The following PIWIL2 variants were observed in gnomAD, a reference collection of about 807,000 sequenced individuals.
PIWIL2 encodes the protein piwi like RNA-mediated gene silencing 2.
Under a neutral mutation model 116.5 loss-of-function variants are expected in PIWIL2, and 81 were observed. That is an observed-to-expected ratio of 0.70 (90% CI 0.58 to 0.84). The LOEUF (loss-of-function observed/expected upper bound fraction) is 0.84, where lower values mean the gene tolerates loss of function less well. PIWIL2 is among the 40% of genes least tolerant of loss of function. PIWIL2 has a pLI of 0.00. For synonymous variants in PIWIL2, 489 were observed against 429.5 expected, an observed-to-expected ratio of 1.14 and a Z score of -1.71; for missense variants, 1,272 against 1,212.3, an observed-to-expected ratio of 1.05 and a Z score of -0.73.
rs545727348 is a variant in PIWIL2, at chr8:22,348,194, G to A, written c.2404-4765G>A. ...CGGGTGTCTGTAATCCCAGCTACTC[G>A]GGGGCCGAGGCAGGAGAATCGCTTG... is the stretch of plus-strand genomic sequence containing the variant. On this transcript the variant is annotated intron_variant, in intron 20 of 22. Transcript: ENST00000356766. 2.6e-5 allele frequency among the ~76,000 whole-genome samples: 4 copies of A among 151,840 alleles called. No individual in the cohort carries two copies. The South Asian group carries it at 8.3e-4, about 32-fold the overall frequency.
intron 20 of PIWIL2, among the ~76,000 whole-genome samples, chr8:22,327,707 CT>C (rs1831759839): frequency 6.6e-6 from 1 of 152,062 alleles, no homozygotes. Context: ...GTGGTTTTGA[CT>C]TGCGTTTCTT....
At chr8:22,350,638 G>A (rs1463866730) in intron 20 of PIWIL2, among the ~76,000 whole-genome samples, 5 of 152,074 alleles carry the variant, frequency 3.3e-5, no homozygotes, top group Non-Finnish European at 7.4e-5. Context: ...TGCAATCTGA[G>A]ACTGTGAAGA....
At chr8:22,342,615 T>C (rs1486614313) in intron 20 of PIWIL2, among the ~76,000 whole-genome samples, 1 of 152,146 alleles carries the variant, frequency 6.6e-6, no homozygotes, top group African/African-American at 2.4e-5. Flanking sequence ...TTTGCAAAAA[T>C]TAAAACAAAT....
intron 20 of PIWIL2, among the ~76,000 whole-genome samples, chr8:22,327,671 T>G (rs143469569): frequency 2.3e-4 from 35 of 152,252 alleles, no homozygotes; most frequent in African/African-American, 8.4e-4. Context: ...CCGGCTTGAA[T>G]CATCACTGTT....
At chr8:22,285,793 C>T (rs982494507) in intron 6 of PIWIL2, among the ~76,000 whole-genome samples, 14 of 152,220 alleles carry the variant, frequency 9.2e-5, no homozygotes, top group African/African-American at 3.4e-4. Context: ...AGGCAAGCGC[C>T]CCCATGCCTG....
At chr8:22,337,130 T>A (rs556110679) in intron 20 of PIWIL2, among the ~76,000 whole-genome samples, 2 of 152,308 alleles carry the variant, frequency 1.3e-5, no homozygotes, top group Admixed American at 1.3e-4. Flanking sequence ...ACTTCCCTCC[T>A]TATACTATGA....
intron 4 of PIWIL2, among the ~76,000 whole-genome samples, chr8:22,282,559 A>C (rs765804265): frequency 2.1e-4 from 32 of 151,748 alleles, no homozygotes; most frequent in Non-Finnish European, 4.6e-4. Flanking sequence ...TCTGACAGTC[A>C]ATAGCAGTTG....
chr8:22,327,425 TGGC>T lies in PIWIL2; in HGVS notation c.2403+9152_2403+9154del, dbSNP rs1326680560. ...TCTTGTTGCCCAGGCTGGAGTGCAA[TGGC>T]GCGATCTTGACTCACCACAACCTCC... On this transcript the variant is annotated intron_variant, in intron 20 of 22. Transcript: ENST00000356766. Among the ~76,000 whole-genome samples, 617 of 149,320 alleles carry T rather than the reference TGGC, an allele frequency of 4.1e-3. 5 individuals carry two copies. The highest frequency in any genetic ancestry group is 0.015 in the African/African-American group (598 of 40,274).
intron 20 of PIWIL2, among the ~76,000 whole-genome samples, chr8:22,342,154 A>G (rs1037269871): frequency 3.4e-5 from 4 of 118,054 alleles, no homozygotes; most frequent in Non-Finnish European, 1.9e-5. Context: ...TGATGAAAAA[A>G]ATCAAAGAAT....
intron 20 of PIWIL2, among the ~76,000 whole-genome samples, chr8:22,342,320 G>C (rs916887789): frequency 6.6e-6 from 1 of 152,144 alleles, no homozygotes; most frequent in Non-Finnish European, 1.5e-5. Flanking sequence ...TGATTTTAAG[G>C]TTTAAGGATA....
At chr8:22,295,468 G>A (rs182324261) in intron 10 of PIWIL2, among the ~76,000 whole-genome samples, 42 of 151,904 alleles carry the variant, frequency 2.8e-4, no homozygotes, top group Non-Finnish European at 4.0e-4. Flanking sequence ...TTCCCCTCCC[G>A]TCCAAATACC....
intron 20 of PIWIL2, among the ~76,000 whole-genome samples, chr8:22,318,800 G>T (rs1831528454): frequency 1.3e-5 from 2 of 152,178 alleles, no homozygotes; most frequent in African/African-American, 4.8e-5. Context: ...CTTTCATTTG[G>T]TTTAGTAAGT....
intron 11 of PIWIL2, 111 bp from the exon 12 acceptor site, chr8:22,304,673 G>A (rs1395916928): frequency 4.9e-6 from 3 of 607,092 alleles, no homozygotes; most frequent in Non-Finnish European, 9.0e-6. Flanking sequence ...TCCTTGACAA[G>A]AGTATTATGC....
At chr8:22,294,947 C>T (rs1209761716) in intron 10 of PIWIL2, among the ~76,000 whole-genome samples, 4 of 139,946 alleles carry the variant, frequency 2.9e-5, no homozygotes, top group Non-Finnish European at 6.1e-5. Flanking sequence ...GGCGTGGTGG[C>T]GCAGGGCTGT....
Position 22,290,314 on chromosome 8 carries a change from G to C in PIWIL2, c.1149G>C (p.Lys383Asn). The C allele has an allele frequency of 6.2e-7, 1 of 1,610,414 alleles. No individual in the cohort carries two copies. The highest frequency in any genetic ancestry group is 8.5e-7 in the Non-Finnish European group (1 of 1,176,800). ...GLFLLADVSHKVIRNDCVLDV... is the reference protein window; with the variant it reads ...GLFLLADVSHNVIRNDCVLDV... The stretch of plus-strand genomic sequence containing the variant: ...TCCTGCTAGCTGATGTCTCCCATAA[G>C]GTCATTCGGAATGACTGTGTGCTGG... Residue 383 changes from lysine (K) to asparagine (N), a missense_variant, in exon 10 of 23, where the codon AAG becomes AAC. By Grantham distance (94) the Lys-to-Asn change is moderately conservative. Coordinates refer to ENST00000356766, the MANE Select transcript of PIWIL2 (RefSeq NM_018068.5).
Position 22,357,317 on chromosome 8 carries a change from A to T in PIWIL2, c.*1812A>T, listed in dbSNP as rs553041972. 1.3e-5 allele frequency: 2 copies of T among 152,180 alleles called. No homozygotes were observed. Among genetic ancestry groups the T allele is most frequent in the Non-Finnish European group, 2.9e-5 (2 of 68,042 alleles). 9.4% of individuals were successfully genotyped at this position (152,180 alleles called of 1,614,324 possible). On this transcript the variant is annotated 3_prime_UTR_variant, in exon 23 of 23. Coordinates refer to ENST00000356766, the MANE Select transcript of PIWIL2 (RefSeq NM_018068.5). ...CCTGGAATTTAAAAACCACAGAATC[A>T]AACACTGTGAACCACTGGTCTCTGG...
In PIWIL2 at chr8:22,281,416, T is replaced by C. The variant is rs201115541; in HGVS notation, c.326T>C (p.Val109Ala). ...GGTCGAGGCTTGTCTGCTAATCTGGTACGCAAGGACAGGGAGGAACTCTCT... is the reference window on the plus strand; with the variant it reads ...GGTCGAGGCTTGTCTGCTAATCTGGCACGCAAGGACAGGGAGGAACTCTCT... The part of the protein sequence containing the change: ...ILGRGLSANL[V>A]RKDREELSPT... The change falls in exon 4 of 23, where the codon GTA (valine) becomes GCA (alanine). Residue 109 changes from valine to alanine, a missense_variant. Transcript: ENST00000356766. 1.3e-4 allele frequency: 212 copies of C among 1,607,558 alleles called. 1 individual carries two copies. Among genetic ancestry groups the C allele is most frequent in the Admixed American group, 1.2e-3 (68 of 57,490 alleles).
chr8:22,308,196 AG>A (rs1831236246), intron 14 of PIWIL2, 123 bp downstream of exon 14: 1 of 725,782 alleles, frequency 1.4e-6, no homozygotes, highest in Non-Finnish European at 2.1e-6. Flanking sequence ...TATTTTTCTA[AG>A]TTTTTTTTTT....
intron 20 of PIWIL2, among the ~76,000 whole-genome samples, chr8:22,350,320 G>A (rs760835457): frequency 6.6e-6 from 1 of 152,192 alleles, no homozygotes; most frequent in Admixed American, 6.5e-5. Context: ...TACAGGCCAG[G>A]TATGGTATCT....
Sources: gnomAD v4.1 joint callset for allele counts (sites outside exome capture counted in the v4.1 genomes callset) on GRCh38, gnomAD v4.1.1 for gene constraint, MANE v1.5 for transcripts, NCBI Gene and HGNC (gene_info 2026-07-23, HGNC 2026-07-21) for gene names.